Variants in DIP2C observed in about 807,000 individuals in gnomAD.
DIP2C encodes DIP2 acetate--CoA ligase C (putative).
Under a neutral mutation model 192.4 loss-of-function variants are expected in DIP2C, and 33 were observed. That is an observed-to-expected ratio of 0.17 (90% CI 0.13 to 0.23). DIP2C has a LOEUF of 0.23. Among genes scored for constraint, DIP2C ranks in the 10% least tolerant of loss-of-function variants. DIP2C has a pLI of 1.00. For missense variants in DIP2C, 1,537 were observed against 2,110.1 expected (o/e 0.73, Z 5.32); for synonymous variants, 979 against 864.1 (o/e 1.13, Z -2.33).
rs761700811 is a variant in DIP2C, at chr10:341,298, C to T, written c.3485G>A (p.Arg1162His). 6.2e-6 allele frequency: 10 copies of T among 1,614,132 alleles called. No individual in the cohort carries two copies. Among genetic ancestry groups the T allele is most frequent in the South Asian group, 2.2e-5 (2 of 91,074 alleles). Residue 1162 changes from arginine (R) to histidine (H), a missense_variant, in exon 29 of 37, where the codon CGT becomes CAT. By Grantham distance (29) the Arg-to-His change is conservative. Around this residue, in one of 4 missense-constraint regions of DIP2C, gnomAD observed 341 missense variants for 551.7 expected, o/e 0.62. Coordinates refer to ENST00000280886, the MANE Select transcript of DIP2C (RefSeq NM_014974.3). ...AAGTTCACACTGCAGCTTAATGGAA[C>T]GGCAGAAGGCACTGGTGGCTGCGTG... ...MSHAATSAFC[R>H]SIKLQCELYP...
chr10:398,361 C>T (rs1309940712), intron 10 of DIP2C, among the ~76,000 whole-genome samples: 1 of 152,206 alleles, frequency 6.6e-6, no homozygotes, highest in Non-Finnish European at 1.5e-5. Context: ...CTCTTTCAAC[C>T]AACTGCCAAT....
In DIP2C at chr10:636,167, G is replaced by A. The variant is rs1031395460; in HGVS notation, c.85+53327C>T. Among the ~76,000 whole-genome samples the A allele has an allele frequency of 6.6e-6, 1 of 152,172 alleles. No individual in the cohort carries two copies. Among genetic ancestry groups the A allele is most frequent in the African/African-American group, 2.4e-5 (1 of 41,442 alleles). ...GAAAACTAGGTGGTGAACCCAGGAGGAGGAAATCCCCACAAGTCGACAGAA... is the reference window on the plus strand; with the variant it reads ...GAAAACTAGGTGGTGAACCCAGGAGAAGGAAATCCCCACAAGTCGACAGAA... On this transcript the variant is annotated intron_variant, in intron 1 of 36. Coordinates refer to ENST00000280886, the MANE Select transcript of DIP2C (RefSeq NM_014974.3). This position sits in a 1 kb window ranked among gnomAD's most constrained non-coding sequence, Gnocchi z 4.6.
At chr10:390,672 C>T (rs779277224) in intron 11 of DIP2C, 68 bp downstream of exon 11, 289 of 1,564,978 alleles carry the variant, frequency 1.8e-4, no homozygotes, top group Non-Finnish European at 2.4e-4. Flanking sequence ...GGCGGGGTGA[C>T]GTATTCCCGC....
At chr10:469,119 C>T (rs1174199227) in intron 3 of DIP2C, among the ~76,000 whole-genome samples, 9 of 152,062 alleles carry the variant, frequency 5.9e-5, no homozygotes, top group Admixed American at 3.9e-4. Context: ...GAATTGGAGA[C>T]CATTATCTGT....
intron 1 of DIP2C, among the ~76,000 whole-genome samples, chr10:548,515 G>GGC (rs1848421244): frequency 6.6e-6 from 1 of 150,638 alleles, no homozygotes; most frequent in African/African-American, 2.5e-5. Context: ...AGGAGGGAGG[G>GGC]AGGGAGGCAG....
intron 34 of DIP2C, among the ~76,000 whole-genome samples, chr10:283,978 T>C (rs781523643): frequency 4.0e-5 from 6 of 151,780 alleles, no homozygotes; most frequent in Admixed American, 6.6e-5. Flanking sequence ...TTTGGGGAAA[T>C]AGGTAAGCAA....
intron 3 of DIP2C, among the ~76,000 whole-genome samples, chr10:447,635 T>C (rs1968378281): frequency 7.4e-6 from 1 of 135,030 alleles, no homozygotes; most frequent in Non-Finnish European, 1.5e-5. Flanking sequence ...ATACTCAGGA[T>C]CACACACAGT....
At position 468,998 on chromosome 10, in the gene DIP2C, C is replaced by T. The variant is rs1300120399; in HGVS notation, c.268+3441G>A. On this transcript the variant is annotated intron_variant, in intron 3 of 36. Transcript: ENST00000280886. ...AAGGAGCTGTGGAATTGGAGACCATCATCTGTGCAGGTGCATGAGCTGACA... is the reference window on the plus strand; with the variant it reads ...AAGGAGCTGTGGAATTGGAGACCATTATCTGTGCAGGTGCATGAGCTGACA... Among the ~76,000 whole-genome samples the T allele has an allele frequency of 2.0e-5, 3 of 151,932 alleles. No individual in the cohort carries two copies. The East Asian group carries it at 5.8e-4, about 29-fold the overall frequency.
intron 1 of DIP2C, among the ~76,000 whole-genome samples, chr10:568,778 A>AT (rs1849596425): frequency 7.0e-6 from 1 of 143,566 alleles, no homozygotes; most frequent in South Asian, 2.3e-4. Context: ...AAAAAAAAAA[A>AT]AAAAAAAAAA....
At chr10:409,927 G>C (rs1564674430) in intron 8 of DIP2C, among the ~76,000 whole-genome samples, 2 of 152,378 alleles carry the variant, frequency 1.3e-5, no homozygotes, top group South Asian at 4.1e-4. Context: ...TCAGCTGCCA[G>C]AGCGTCTCAG....
intron 1 of DIP2C, chr10:650,773 G>A: frequency 1.5e-6 from 1 of 665,322 alleles, no homozygotes; most frequent in African/African-American, 1.8e-5. Flanking sequence ...GTTGTTTTCT[G>A]TAATTTGCAA....
rs1460327561 is a variant in DIP2C, at chr10:403,886, GACA to G, written c.1150-4670_1150-4668del. Among the ~76,000 whole-genome samples the G allele has an allele frequency of 5.2e-5, 5 of 96,384 alleles. 2 individuals carry two copies. The highest frequency in any genetic ancestry group is 2.0e-4 in the African/African-American group (5 of 24,970). The allele number at this position is 96,384 out of a possible 152,430, so 63.2% of individuals were successfully genotyped here. On this transcript the variant is annotated intron_variant, in intron 9 of 36. Coordinates refer to ENST00000280886, the MANE Select transcript of DIP2C (RefSeq NM_014974.3). ...GGCATTAGCATTACTCTTCCTTATGGACAAGTTTGGTATGTGTTCCTCAGCACA... is the reference window on the plus strand; with the variant it reads ...GGCATTAGCATTACTCTTCCTTATGGAGTTTGGTATGTGTTCCTCAGCACA...
chr10:416,092 G>A (rs548083304), intron 6 of DIP2C, among the ~76,000 whole-genome samples: 2 of 151,676 alleles, frequency 1.3e-5, no homozygotes, highest in Non-Finnish European at 2.9e-5. Flanking sequence ...CATCGGACCC[G>A]AATGTCTACC....
intron 19 of DIP2C, among the ~76,000 whole-genome samples, chr10:365,927 G>A (rs1229998526): frequency 6.6e-6 from 1 of 152,218 alleles, no homozygotes; most frequent in Non-Finnish European, 1.5e-5. Flanking sequence ...CCAGGCCAAG[G>A]GGCTGTAAAG....
chr10:568,891 A>T (rs1849611988), intron 1 of DIP2C, among the ~76,000 whole-genome samples: 2 of 151,966 alleles, frequency 1.3e-5, no homozygotes, highest in African/African-American at 4.8e-5. Flanking sequence ...GTTCAAGAGT[A>T]ACAAAATCAA....
chr10:587,494 A>AC (rs1240389822), intron 1 of DIP2C, among the ~76,000 whole-genome samples: 1 of 152,162 alleles, frequency 6.6e-6, no homozygotes, highest in African/African-American at 2.4e-5. Context: ...AAATAAAAAT[A>AC]CCCCAAACCT....
intron 1 of DIP2C, among the ~76,000 whole-genome samples, chr10:644,622 A>G (rs1405337072): frequency 1.3e-5 from 2 of 152,006 alleles, no homozygotes; most frequent in African/African-American, 4.8e-5. Context: ...CCACTTCTCA[A>G]AAGTACACAC....
chr10:584,216 C>CCTA (rs1371296383), intron 1 of DIP2C, among the ~76,000 whole-genome samples: 1 of 152,196 alleles, frequency 6.6e-6, no homozygotes, highest in Non-Finnish European at 1.5e-5. Context: ...CCAATACTCC[C>CCTA]CTATTCAACA....
At chr10:589,902 A>C (rs1005827893) in intron 1 of DIP2C, among the ~76,000 whole-genome samples, 1 of 152,240 alleles carries the variant, frequency 6.6e-6, no homozygotes, top group African/African-American at 2.4e-5. Flanking sequence ...AAACTGCAAT[A>C]ATTTCACAAC....
Sources: gnomAD v4.1 joint callset for allele counts (sites outside exome capture counted in the v4.1 genomes callset) on GRCh38, gnomAD v4.1.1 for gene constraint, gnomAD v4.1.1 regional missense constraint, Gnocchi (gnomAD v3.1) non-coding constraint, MANE v1.5 for transcripts, NCBI Gene and HGNC (gene_info 2026-07-23, HGNC 2026-07-21) for gene names.